The following SMARCD3 variants were observed in gnomAD, a reference collection of about 807,000 sequenced individuals.
The protein encoded by SMARCD3 is SWI/SNF related BAF chromatin remodeling complex subunit D3.
A neutral mutation model predicts 58.0 loss-of-function variants in SMARCD3; 14 were observed. The ratio of observed to expected loss-of-function variants is 0.24; its 90% CI spans 0.16 to 0.38. The LOEUF (loss-of-function observed/expected upper bound fraction) is 0.38. SMARCD3 is among the 10% of genes least tolerant of loss of function. SMARCD3 has a pLI of 1.00. For missense variants in SMARCD3, 408 were observed against 636.9 expected (o/e 0.64, Z 3.87); for synonymous variants, 253 against 253.8 (o/e 1.00, Z 0.03).
chr7:151,243,710 T>A lies in SMARCD3; in HGVS notation c.291-9A>T, dbSNP rs781399955. On this transcript the variant is annotated splice_polypyrimidine_tract_variant and intron_variant, in intron 2 of 12. Transcript: ENST00000262188. The surrounding 1 kb of genome is among the most constrained non-coding windows in gnomAD (Gnocchi z 4.4). ...TCTTCCTCCTCTTGGCACTGTACAT[T>A]TTTTAAAGAAAAAACCAGGTTACCA... is the stretch of plus-strand genomic sequence containing the variant. 4 of 1,607,088 alleles carry A rather than the reference T, an allele frequency of 2.5e-6. No homozygotes were observed. Among genetic ancestry groups the A allele is most frequent in the Admixed American group, 3.3e-5 (2 of 59,988 alleles).
rs1802806175 is a variant in SMARCD3 at position 151,239,031 on chromosome 7, T to A, written c.*72A>T. 1 of 1,466,690 alleles carries A rather than the reference T, an allele frequency of 6.8e-7. No homozygotes were observed. The highest frequency in any genetic ancestry group is 1.7e-5 in the Admixed American group (1 of 59,818). 90.9% of individuals were successfully genotyped at this position (1,466,690 alleles called of 1,614,324 possible). On this transcript the variant is annotated 3_prime_UTR_variant, in exon 13 of 13. Transcript: ENST00000262188. This position sits in a 1 kb window ranked among gnomAD's most constrained non-coding sequence, Gnocchi z 7.0. Reference sequence around the variant, plus strand: ...CCCCAAGGTGGCAGAGGAGTGATGCTGGAGCCCGGGGCAAAATGCTGGGGC... The same window carrying A: ...CCCCAAGGTGGCAGAGGAGTGATGCAGGAGCCCGGGGCAAAATGCTGGGGC...
At chr7:151,269,343 C>T (rs939861254) in intron 2 of SMARCD3, among the ~76,000 whole-genome samples, 1 of 152,230 alleles carries the variant, frequency 6.6e-6, no homozygotes, top group Admixed American at 6.5e-5. Context: ...TTCAAGCCTA[C>T]ACACCCTCGA....
intron 2 of SMARCD3, among the ~76,000 whole-genome samples, chr7:151,263,700 T>C (rs943998083): frequency 3.3e-5 from 5 of 152,238 alleles, no homozygotes; most frequent in Non-Finnish European, 7.3e-5. Context: ...CTCTGCATTT[T>C]TTTCTGTCAT....
intron 2 of SMARCD3, among the ~76,000 whole-genome samples, chr7:151,256,819 C>G (rs1803715098): frequency 6.6e-6 from 1 of 152,118 alleles, no homozygotes; most frequent in African/African-American, 2.4e-5. Context: ...CCCACCACAC[C>G]CTCTGCCTGC....
intron 2 of SMARCD3, among the ~76,000 whole-genome samples, chr7:151,269,661 A>T (rs900109793): frequency 3.9e-5 from 6 of 152,074 alleles, no homozygotes; most frequent in African/African-American, 1.4e-4. Flanking sequence ...GCAGGCTGGG[A>T]CCTGCAACCA....
At chr7:151,261,509 C>T (rs554886142) in intron 2 of SMARCD3, among the ~76,000 whole-genome samples, 2 of 152,302 alleles carry the variant, frequency 1.3e-5, no homozygotes, top group African/African-American at 4.8e-5. Flanking sequence ...GGGTCCCTCA[C>T]GTGATGCATG....
At chr7:151,261,687 C>G (rs146641896) in intron 2 of SMARCD3, among the ~76,000 whole-genome samples, 72 of 152,310 alleles carry the variant, frequency 4.7e-4, no homozygotes, top group Admixed American at 9.1e-4. Flanking sequence ...TGCTCATCTG[C>G]CTTATCTCCC....
At chr7:151,256,627 C>G (rs992910304) in intron 2 of SMARCD3, among the ~76,000 whole-genome samples, 1 of 152,140 alleles carries the variant, frequency 6.6e-6, no homozygotes, top group African/African-American at 2.4e-5. Context: ...TCGTGCTGCC[C>G]GGCAGGCCAC....
chr7:151,257,678 C>G (rs375295043), intron 2 of SMARCD3, among the ~76,000 whole-genome samples: 4 of 152,158 alleles, frequency 2.6e-5, no homozygotes, highest in East Asian at 3.9e-4. Flanking sequence ...AGGGAGGACA[C>G]TTTCCCCTCT....
chr7:151,253,188 G>A (rs890619341), upstream of SMARCD3, among the ~76,000 whole-genome samples: 1 of 152,166 alleles, frequency 6.6e-6, no homozygotes, highest in Non-Finnish European at 1.5e-5. Context: ...GAGCTGTGCC[G>A]GGAAGCAGAC....
In SMARCD3 at chr7:151,242,372, C is replaced by T; in HGVS notation, c.579+109G>A. The T allele has an allele frequency of 6.7e-7, 1 of 1,503,736 alleles. No individual in the cohort carries two copies. The highest frequency in any genetic ancestry group is 9.2e-7 in the Non-Finnish European group (1 of 1,090,182). 93.1% of individuals were successfully genotyped at this position (1,503,736 alleles called of 1,614,324 possible). A position where few individuals can be genotyped will look rare whatever the true frequency, so the allele number is the denominator to read the frequency against. Reference sequence around the variant, plus strand: ...TGGAATGTCTCTAGGCCTGCCCCTCCACCCAGCCTGGGCTGACTCCCTAGC... The same window carrying T: ...TGGAATGTCTCTAGGCCTGCCCCTCTACCCAGCCTGGGCTGACTCCCTAGC... On this transcript the variant is annotated intron_variant, in intron 5 of 12. Transcript: ENST00000262188. The surrounding 1 kb of genome is among the most constrained non-coding windows in gnomAD (Gnocchi z 4.7).
At chr7:151,266,625 C>T (rs149239569) in intron 2 of SMARCD3, among the ~76,000 whole-genome samples, 1 of 152,316 alleles carries the variant, frequency 6.6e-6, no homozygotes, top group East Asian at 1.9e-4. Flanking sequence ...CAATTCTTAG[C>T]AAATTTGCCC....
rs1802813058 is a variant in SMARCD3, at chr7:151,239,112, G to A, written c.1443C>T (p.Arg481=). ...GCTTATTTTTGGGCTCCTAGGTGTT[G>A]CGCACAACCAGCGACTGCTCCAGCT... The part of the protein sequence containing the change: ...RQELEQSLVV[R]NT The change falls in exon 13 of 13, where the codon CGC becomes CGT. Residue 481 remains arginine, a synonymous_variant. Transcript: ENST00000262188. This position sits in a 1 kb window ranked among gnomAD's most constrained non-coding sequence, Gnocchi z 7.0. 1.2e-6 allele frequency: 2 copies of A among 1,614,136 alleles called. No homozygotes were observed. Among genetic ancestry groups the A allele is most frequent in the East Asian group, 4.5e-5 (2 of 44,886 alleles).
At chr7:151,256,200 G>A (rs1257039128) in intron 2 of SMARCD3, among the ~76,000 whole-genome samples, 1 of 126,554 alleles carries the variant, frequency 7.9e-6, no homozygotes, top group Non-Finnish European at 1.6e-5. Flanking sequence ...TTTTATTTTT[G>A]AAACAGAGTG....
In SMARCD3 at chr7:151,242,615, G is replaced by T; in HGVS notation, c.457-12C>A. On this transcript the variant is annotated splice_polypyrimidine_tract_variant and intron_variant, in intron 4 of 12. Coordinates refer to ENST00000262188, the MANE Select transcript of SMARCD3 (RefSeq NM_001003801.2). This position sits in a 1 kb window ranked among gnomAD's most constrained non-coding sequence, Gnocchi z 4.7. ...AGCTTCCGCTTTTGCTGTAGAAATA[G>T]AGTGCAGAACCGGGCGAATGCTGTG... 1 of 1,612,934 alleles carries T rather than the reference G, an allele frequency of 6.2e-7. No homozygotes were observed. Among genetic ancestry groups the T allele is most frequent in the Non-Finnish European group, 8.5e-7 (1 of 1,178,934 alleles).
upstream of SMARCD3, among the ~76,000 whole-genome samples, chr7:151,252,390 A>G (rs1447903242): frequency 6.6e-6 from 1 of 151,932 alleles, no homozygotes; most frequent in Non-Finnish European, 1.5e-5. Flanking sequence ...TTAGGAGAAT[A>G]CGATCACCCT....
rs746890727 is a variant in SMARCD3 at position 151,242,685 on chromosome 7, C to T, written c.456+36G>A. ...CTGCTTCCCCATCCTGGTCACACAA[C>T]TCTAGAGTCCCCTTCCTACCCCCGA... On this transcript the variant is annotated intron_variant, in intron 4 of 12. Coordinates refer to ENST00000262188, the MANE Select transcript of SMARCD3 (RefSeq NM_001003801.2). This position sits in a 1 kb window ranked among gnomAD's most constrained non-coding sequence, Gnocchi z 4.7. 3 of 1,613,804 alleles carry T rather than the reference C, an allele frequency of 1.9e-6. No homozygotes were observed. The Admixed American group carries it at 5.0e-5, about 27-fold the overall frequency.
At chr7:151,264,862 G>A (rs1584893765) in intron 2 of SMARCD3, among the ~76,000 whole-genome samples, 1 of 152,226 alleles carries the variant, frequency 6.6e-6, no homozygotes, top group South Asian at 2.1e-4. Context: ...GGGGAGGCTG[G>A]AGGCTGCCCT....
chr7:151,273,464 T>C (rs1296453804), intron 2 of SMARCD3, among the ~76,000 whole-genome samples: 1 of 152,174 alleles, frequency 6.6e-6, no homozygotes, highest in Admixed American at 6.5e-5. Context: ...CCAGGAAGCT[T>C]AGCTGCCTCC....
Sources: gnomAD v4.1 joint callset for allele counts (sites outside exome capture counted in the v4.1 genomes callset) on GRCh38, gnomAD v4.1.1 for gene constraint, Gnocchi (gnomAD v3.1) non-coding constraint, MANE v1.5 for transcripts, NCBI Gene and HGNC (gene_info 2026-07-23, HGNC 2026-07-21) for gene names.